TMEM132B: variants seen among roughly 807,000 people sequenced by gnomAD.
TMEM132B encodes transmembrane protein 132B.
TMEM132B carries 18 observed loss-of-function variants against 90.8 expected under a neutral mutation model. The observed-to-expected ratio is 0.20, with a 90% CI of 0.14 to 0.29. The LOEUF is 0.29. Ranked by LOEUF, TMEM132B falls within the 10% of genes least tolerant of loss-of-function variation. TMEM132B has a pLI of 1.00. For synonymous variants in TMEM132B, 504 were observed against 523.3 expected (o/e 0.96, Z 0.50); for missense variants, 1,096 against 1,326.8 (o/e 0.83, Z 2.70).
chr12:125,478,288 T>C (rs529199941), intron 3 of TMEM132B, among the ~76,000 whole-genome samples: 1 of 152,310 alleles, frequency 6.6e-6, no homozygotes, highest in South Asian at 2.1e-4. Flanking sequence ...AGAAGTAGGC[T>C]TCAGAAAGTC....
intron 1 of TMEM132B, among the ~76,000 whole-genome samples, chr12:125,189,831 C>T (rs1007160564): frequency 1.2e-4 from 18 of 152,080 alleles, no homozygotes; most frequent in Non-Finnish European, 1.9e-4. Context: ...GTCTCTGGGC[C>T]GGCAAAGCCC....
intron 2 of TMEM132B, among the ~76,000 whole-genome samples, chr12:125,386,415 T>G (rs558849581): frequency 6.6e-6 from 1 of 152,350 alleles, no homozygotes; most frequent in African/African-American, 2.4e-5. Context: ...GGGTCCACAT[T>G]GGCACCATTG....
chr12:125,237,311 C>T (rs1279267881), intron 1 of TMEM132B, among the ~76,000 whole-genome samples: 1 of 152,164 alleles, frequency 6.6e-6, no homozygotes, highest in African/African-American at 2.4e-5. Context: ...GATCCTTTAG[C>T]TGTGACGTCA....
intron 3 of TMEM132B, among the ~76,000 whole-genome samples, chr12:125,469,355 G>GTT (rs1881652016): frequency 6.6e-6 from 1 of 152,178 alleles, no homozygotes; most frequent in Non-Finnish European, 1.5e-5. Context: ...TATAAGTGAT[G>GTT]TTATTTTTTC....
intron 2 of TMEM132B, among the ~76,000 whole-genome samples, chr12:125,403,648 T>C (rs1879381400): frequency 6.6e-6 from 1 of 152,256 alleles, no homozygotes; most frequent in Non-Finnish European, 1.5e-5. Context: ...AGGACTGGGA[T>C]TTAGAAACAA....
intron 1 of TMEM132B, among the ~76,000 whole-genome samples, chr12:125,206,313 A>T (rs1299355520): frequency 1.3e-5 from 2 of 151,998 alleles, no homozygotes; most frequent in Non-Finnish European, 2.9e-5. Context: ...ATCTCAGCTC[A>T]CTGCAACCTC....
At chr12:125,454,708 G>C (rs556044357) in intron 3 of TMEM132B, among the ~76,000 whole-genome samples, 1 of 152,164 alleles carries the variant, frequency 6.6e-6, no homozygotes, top group South Asian at 2.1e-4. Flanking sequence ...ATCCTGTTAG[G>C]TTTCTCCATT....
intron 3 of TMEM132B, among the ~76,000 whole-genome samples, chr12:125,431,577 T>C (rs1299259241): frequency 1.3e-5 from 2 of 151,322 alleles, no homozygotes; most frequent in Non-Finnish European, 2.9e-5. Flanking sequence ...CAGGTCTTCC[T>C]GTGGGCCACG....
downstream of TMEM132B, chr12:125,662,376 GT>G (rs1887222654): frequency 6.6e-6 from 1 of 152,142 alleles, no homozygotes; most frequent in Non-Finnish European, 1.5e-5. Flanking sequence ...ATGATTCCTT[GT>G]TATAGTAAAA....
At chr12:125,238,046 G>A (rs957201326) in intron 1 of TMEM132B, among the ~76,000 whole-genome samples, 1 of 152,140 alleles carries the variant, frequency 6.6e-6, no homozygotes. Flanking sequence ...TAGAGCAGCT[G>A]CACTTATTTA....
chr12:125,561,051 T>C (rs1408004422), intron 4 of TMEM132B, among the ~76,000 whole-genome samples: 1 of 152,106 alleles, frequency 6.6e-6, no homozygotes, highest in Non-Finnish European at 1.5e-5. Flanking sequence ...TAAATCATTC[T>C]ACTATAAAGA....
In TMEM132B at chr12:125,608,177, A is replaced by G. The variant is rs147385292; in HGVS notation, c.1437+24183A>G. 4.2e-3 allele frequency among the ~76,000 whole-genome samples: 640 copies of G among 152,326 alleles called. 2 individuals carry two copies. The highest frequency in any genetic ancestry group is 0.014 in the African/African-American group (596 of 41,566). Reference sequence around the variant, plus strand: ...TTGAAAAACTGTTGAACTCTTTTCCACAGTGGTTGCACCATTTTACATAGC... The same window carrying G: ...TTGAAAAACTGTTGAACTCTTTTCCGCAGTGGTTGCACCATTTTACATAGC... On this transcript the variant is annotated intron_variant, in intron 5 of 8. Coordinates refer to ENST00000682704, the MANE Select transcript of TMEM132B (RefSeq NM_001366854.1).
At chr12:125,517,346 TTTTTTTTTTTTTTTTTTTTGCA>T (rs1883189846) in intron 3 of TMEM132B, among the ~76,000 whole-genome samples, 2 of 82,468 alleles carry the variant, frequency 2.4e-5, no homozygotes, top group African/African-American at 9.9e-5. Context: ...TTTTTTTTTT[TTTTTTTTTTTTTTTTTTTTGCA>T]TTTTTAGTAG....
intron 3 of TMEM132B, among the ~76,000 whole-genome samples, chr12:125,500,878 T>C (rs577071818): frequency 7.2e-5 from 11 of 152,312 alleles, no homozygotes; most frequent in African/African-American, 2.6e-4. Flanking sequence ...AGTTAGGATC[T>C]CCAATGCTTG....
At chr12:125,353,513 A>G (rs1037643747) in intron 2 of TMEM132B, among the ~76,000 whole-genome samples, 1 of 152,254 alleles carries the variant, frequency 6.6e-6, no homozygotes, top group Non-Finnish European at 1.5e-5. Flanking sequence ...GCTAACATTC[A>G]TTGAGACTTA....
chr12:125,201,438 A>G (rs923381122), intron 1 of TMEM132B, among the ~76,000 whole-genome samples: 5 of 152,200 alleles, frequency 3.3e-5, no homozygotes, highest in Admixed American at 6.5e-5. Context: ...TTTCTTCACG[A>G]AAGATTTAAA....
At chr12:125,494,250 CT>C (rs1882452550) in intron 3 of TMEM132B, among the ~76,000 whole-genome samples, 1 of 135,844 alleles carries the variant, frequency 7.4e-6, no homozygotes, top group African/African-American at 2.8e-5. Flanking sequence ...CCGTGTCCCT[CT>C]TCCCCCTCCT....
At chr12:125,191,250 G>A (rs1872781226) in intron 1 of TMEM132B, among the ~76,000 whole-genome samples, 1 of 151,108 alleles carries the variant, frequency 6.6e-6, no homozygotes, top group Admixed American at 6.6e-5. Context: ...TGATGGTGAT[G>A]GGGAAGGGGT....
intron 1 of TMEM132B, among the ~76,000 whole-genome samples, chr12:125,315,352 C>T (rs1403899480): frequency 6.6e-6 from 1 of 152,214 alleles, no homozygotes; most frequent in Non-Finnish European, 1.5e-5. Flanking sequence ...GCGCCCACCA[C>T]CACGTCTGGC....
Sources: gnomAD v4.1 joint callset for allele counts (sites outside exome capture counted in the v4.1 genomes callset) on GRCh38, gnomAD v4.1.1 for gene constraint, MANE v1.5 for transcripts, NCBI Gene and HGNC (gene_info 2026-07-23, HGNC 2026-07-21) for gene names.